The following REELD1 variants were observed in gnomAD, a reference collection of about 807,000 sequenced individuals.
The protein encoded by REELD1 is reeler domain containing 1, also known as reelin domain-containing protein 1.
In REELD1, 12 loss-of-function variants were observed where a neutral mutation model predicts 6.3. The ratio of observed to expected loss-of-function variants is 1.89; its 90% CI spans 1.21 to 3.07. The LOEUF is 3.07. Among genes scored for constraint, REELD1 ranks in the 30% most tolerant of loss-of-function variants. The probability of loss-of-function intolerance (pLI) is 0.00; values close to 1 mark genes in which losing one functional copy is unlikely to be tolerated. For missense variants in REELD1, 163 were observed against 86.8 expected (o/e 1.88, Z -3.49); for synonymous variants, 57 against 33.6 (o/e 1.70, Z -2.42).
chr4:146,221,070 C>G (rs1318007764), intron 3 of REELD1, among the ~76,000 whole-genome samples: 2 of 152,146 alleles, frequency 1.3e-5, no homozygotes, highest in African/African-American at 4.8e-5. Context: ...AAACATATAT[C>G]ATAAACTTTA....
At chr4:146,220,112 T>G (rs1171179456) in intron 3 of REELD1, among the ~76,000 whole-genome samples, 1 of 152,002 alleles carries the variant, frequency 6.6e-6, no homozygotes, top group African/African-American at 2.4e-5. Context: ...CTGGCTAATT[T>G]TTTTGTTTTG....
chr4:146,229,866 A>G (rs1468272278), intron 7 of REELD1, 39 bp from the exon 8 acceptor site: 1 of 398,470 alleles, frequency 2.5e-6, no homozygotes, highest in Non-Finnish European at 4.4e-6. Context: ...TAGGAGGAAG[A>G]CCAGTACCTT....
chr4:146,224,539 C>G lies in REELD1; in HGVS notation c.526C>G (p.Arg176Gly), dbSNP rs549611271. The change falls in exon 5 of 8, where the codon CGC (arginine) becomes GGC (glycine). Residue 176 changes from arginine (R) to glycine (G), a missense_variant. Coordinates refer to ENST00000623665, the MANE Select transcript of REELD1 (RefSeq NM_001354631.1). ...QTHSSAHSDD[R>G]MEPRLLMPNL... ...ACATAGCAGCGCCCATTCTGACGAC[C>G]GCATGGAGCCCAGATTGCTGATGCC... 1.4e-6 allele frequency: 1 copy of G among 702,024 alleles called. No individual in the cohort carries two copies. The highest frequency in any genetic ancestry group is 2.0e-5 in the Admixed American group (1 of 49,992). The allele number at this position is 702,024 out of a possible 1,614,324, so 43.5% of individuals were successfully genotyped here.
intron 4 of REELD1, among the ~76,000 whole-genome samples, chr4:146,223,743 C>T (rs191021014): frequency 2.0e-5 from 3 of 152,346 alleles, no homozygotes; most frequent in African/African-American, 4.8e-5. Context: ...CGATAATGTC[C>T]GCCGAGTCTG....
chr4:146,217,986 A>G (rs139151552), intron 3 of REELD1, among the ~76,000 whole-genome samples: 6 of 152,382 alleles, frequency 3.9e-5, no homozygotes, highest in Non-Finnish European at 7.3e-5. Flanking sequence ...CTTTTAGTTT[A>G]GGTGCCTATA....
intron 4 of REELD1, among the ~76,000 whole-genome samples, chr4:146,223,341 A>C (rs1043282697): frequency 1.2e-4 from 18 of 151,976 alleles, no homozygotes; most frequent in African/African-American, 2.4e-5. Context: ...TGGTGGCCCT[A>C]GCTTGTGGTG....
intron 3 of REELD1, among the ~76,000 whole-genome samples, chr4:146,218,327 G>A (rs1730861369): frequency 1.3e-5 from 2 of 152,114 alleles, no homozygotes; most frequent in South Asian, 4.2e-4. Flanking sequence ...GCTTACCTTG[G>A]ACCAAGCTTG....
rs12649262 is a variant in REELD1, at chr4:146,231,913, C to T, written c.*1400C>T. 0.69 allele frequency: 104,222 copies of T among 152,054 alleles called. 35,800 individuals are homozygous for T. Among genetic ancestry groups the T allele is most frequent in the South Asian group, 0.79 (3,812 of 4,808 alleles). The allele number at this position is 152,054 out of a possible 1,614,324, so 9.4% of individuals were successfully genotyped here. The stretch of plus-strand genomic sequence containing the variant: ...AGGTAGCTCTGTTCCCTGGCTTCAG[C>T]CATTAGATGCATGGAGACCTAGGTA... On this transcript the variant is annotated 3_prime_UTR_variant, in exon 8 of 8. Transcript: ENST00000623665.
rs1422444445 is a variant in REELD1 at position 146,215,174 on chromosome 4, G to T, written c.-36G>T. ...GGATTCAAGTGATCCTCCTGCCTCA[G>T]CCTCCTGAGCAACTGGAACTATAGG... On this transcript the variant is annotated 5_prime_UTR_variant, in exon 2 of 8. Transcript: ENST00000623665. The T allele has an allele frequency of 6.6e-6, 1 of 152,442 alleles. No individual in the cohort carries two copies. The highest frequency in any genetic ancestry group is 2.4e-5 in the African/African-American group (1 of 41,436). The allele number at this position is 152,442 out of a possible 1,614,324, so 9.4% of individuals were successfully genotyped here.
intron 3 of REELD1, among the ~76,000 whole-genome samples, chr4:146,218,676 C>T (rs1730867645): frequency 6.6e-6 from 1 of 152,154 alleles, no homozygotes; most frequent in Non-Finnish European, 1.5e-5. Context: ...CATCATGACA[C>T]AGAAAGTGAG....
chr4:146,220,517 A>G (rs1730905242), intron 3 of REELD1, among the ~76,000 whole-genome samples: 1 of 152,124 alleles, frequency 6.6e-6, no homozygotes, highest in Non-Finnish European at 1.5e-5. Flanking sequence ...GCTTTGGGTG[A>G]AGCCATTCAA....
chr4:146,228,477 G>C lies in REELD1; in HGVS notation c.863G>C (p.Arg288Thr), dbSNP rs758930192. 1.4e-6 allele frequency: 1 copy of C among 702,534 alleles called. No individual in the cohort carries two copies. The highest frequency in any genetic ancestry group is 1.5e-5 in the South Asian group (1 of 67,594). 43.5% of individuals were successfully genotyped at this position (702,534 alleles called of 1,614,324 possible). A position where few individuals can be genotyped will look rare whatever the true frequency, so the allele number is the denominator to read the frequency against. Residue 288 changes from arginine to threonine, a missense_variant, in exon 6 of 8, where the codon AGA becomes ACA. Physicochemically the swap from Arg to Thr is moderately conservative, Grantham distance 71 (BLOSUM62 -1). Transcript: ENST00000623665. The stretch of plus-strand genomic sequence containing the variant: ...CTGGAGAGGCTCGTGGCCCTCAAGA[G>C]AGTCTCCTCAGAGAGCTTTGCTTCC... ...HRLERLVALK[R>T]VSSESFASSL...
rs1731128195 is a variant in REELD1, at chr4:146,231,353, T to C, written c.*840T>C. Among the ~76,000 whole-genome samples, 1 of 152,242 alleles carries C rather than the reference T, an allele frequency of 6.6e-6. No homozygotes were observed. The highest frequency in any genetic ancestry group is 1.5e-5 in the Non-Finnish European group (1 of 68,040). ...AAAAACATTATTATACCAGCATAGT[T>C]TGAAGAACAGTCTTTACTTGTCTTT... On this transcript the variant is annotated 3_prime_UTR_variant, in exon 8 of 8. Transcript: ENST00000623665.
At chr4:146,221,840 G>A (rs1308624207) in intron 3 of REELD1, among the ~76,000 whole-genome samples, 2 of 151,848 alleles carry the variant, frequency 1.3e-5, no homozygotes, top group East Asian at 1.9e-4. Context: ...GCCTGGTGAC[G>A]GAGCGAGACT....
intron 4 of REELD1, 102 bp from the exon 5 acceptor site, chr4:146,224,343 C>T (rs112324900): frequency 4.3e-6 from 2 of 465,080 alleles, no homozygotes; most frequent in South Asian, 5.3e-5. Flanking sequence ...TTTTGTTCCT[C>T]TTTATCTGTT....
intron 5 of REELD1, among the ~76,000 whole-genome samples, chr4:146,226,105 A>G (rs546508212): frequency 3.2e-4 from 49 of 152,346 alleles, no homozygotes; most frequent in African/African-American, 1.1e-3. Flanking sequence ...TCTTAACTGT[A>G]CAAAGAATTC....
rs1262166628 is a variant in REELD1 at position 146,231,272 on chromosome 4, C to T, written c.*759C>T. Among the ~76,000 whole-genome samples the T allele has an allele frequency of 6.6e-6, 1 of 152,196 alleles. No individual in the cohort carries two copies. Among genetic ancestry groups the T allele is most frequent in the Non-Finnish European group, 1.5e-5 (1 of 68,034 alleles). Reference sequence around the variant, plus strand: ...CCCATCCATTTACACTTGATGGAAACATTCGTGTATCCCAACAGCTAGCAG... The same window carrying T: ...CCCATCCATTTACACTTGATGGAAATATTCGTGTATCCCAACAGCTAGCAG... On this transcript the variant is annotated 3_prime_UTR_variant, in exon 8 of 8. Transcript: ENST00000623665.
chr4:146,227,785 T>G (rs1209966879), intron 5 of REELD1, among the ~76,000 whole-genome samples: 1 of 152,200 alleles, frequency 6.6e-6, no homozygotes, highest in Non-Finnish European at 1.5e-5. Flanking sequence ...GTTCAAGTCA[T>G]TATCACCAGA....
At chr4:146,220,686 G>C (rs1730908804) in intron 3 of REELD1, among the ~76,000 whole-genome samples, 1 of 152,238 alleles carries the variant, frequency 6.6e-6, no homozygotes, top group Non-Finnish European at 1.5e-5. Flanking sequence ...TACGTGAAAA[G>C]ATTGATCCTT....
Sources: gnomAD v4.1 joint callset for allele counts (sites outside exome capture counted in the v4.1 genomes callset) on GRCh38, gnomAD v4.1.1 for gene constraint, MANE v1.5 for transcripts, NCBI Gene and HGNC (gene_info 2026-07-23, HGNC 2026-07-21) for gene names.